STPG2: variants seen among roughly 807,000 people sequenced by gnomAD.
STPG2 encodes sperm tail PG-rich repeat containing 2.
STPG2 carries 56 observed loss-of-function variants against 54.2 expected under a neutral mutation model. The ratio of observed to expected loss-of-function variants is 1.03; its 90% CI spans 0.83 to 1.29. STPG2 has a LOEUF of 1.29. Ranked by LOEUF, STPG2 falls within the 50% of genes most tolerant of loss-of-function variation. The pLI is 0.00. For missense variants in STPG2, 596 were observed against 544.9 expected (o/e 1.09, Z -0.93); for synonymous variants, 200 against 181.8 (o/e 1.10, Z -0.81).
chr4:98,117,865 T>A (rs1218548727), intron 3 of STPG2, among the ~76,000 whole-genome samples: 1 of 152,128 alleles, frequency 6.6e-6, no homozygotes, highest in African/African-American at 2.4e-5. Context: ...TAGTTTGCTT[T>A]ATTTCTTTGA....
At chr4:98,023,994 T>C (rs1255904846) in intron 5 of STPG2, among the ~76,000 whole-genome samples, 1 of 152,160 alleles carries the variant, frequency 6.6e-6, no homozygotes, top group East Asian at 1.9e-4. Context: ...AGTGAGGCAA[T>C]GCCTCACCCT....
chr4:97,765,887 A>G (rs1726032661), intron 9 of STPG2, among the ~76,000 whole-genome samples: 1 of 152,168 alleles, frequency 6.6e-6, no homozygotes, highest in African/African-American at 2.4e-5. Flanking sequence ...ATATAAGAGT[A>G]AGAGAACTGT....
At chr4:97,841,351 A>G (rs919841256) in intron 8 of STPG2, among the ~76,000 whole-genome samples, 5 of 151,722 alleles carry the variant, frequency 3.3e-5, no homozygotes, top group Non-Finnish European at 5.9e-5. Flanking sequence ...TGCTTATTTC[A>G]TCTTTAATAG....
intron 9 of STPG2, among the ~76,000 whole-genome samples, chr4:97,800,258 C>A (rs575111835): frequency 3.3e-5 from 5 of 152,294 alleles, no homozygotes; most frequent in African/African-American, 1.2e-4. Context: ...GAGAGGTGCT[C>A]TGATTTTTAG....
At chr4:97,956,889 C>G (rs1490178100) in intron 7 of STPG2, among the ~76,000 whole-genome samples, 1 of 152,064 alleles carries the variant, frequency 6.6e-6, no homozygotes, top group Non-Finnish European at 1.5e-5. Context: ...AACCAAAATC[C>G]CAACTCTGGT....
At chr4:97,624,813 A>C (rs1734098483) in intron 10 of STPG2, among the ~76,000 whole-genome samples, 1 of 152,096 alleles carries the variant, frequency 6.6e-6, no homozygotes, top group African/African-American at 2.4e-5. Context: ...TGTAAGGAAA[A>C]GGTCCAGTTT....
intron 4 of STPG2, among the ~76,000 whole-genome samples, chr4:97,465,977 G>A (rs75937128): frequency 2.0e-3 from 311 of 152,002 alleles, no homozygotes; most frequent in African/African-American, 7.4e-3. Context: ...CGTTGTTGTT[G>A]TTAACTCATT....
intron 7 of STPG2, among the ~76,000 whole-genome samples, chr4:97,952,146 C>T (rs1224235652): frequency 1.3e-5 from 2 of 152,124 alleles, no homozygotes; most frequent in Non-Finnish European, 2.9e-5. Context: ...CTCTCAACCA[C>T]ACCTGAACCT....
At chr4:97,506,665 T>C (rs1730851687) in intron 4 of STPG2, among the ~76,000 whole-genome samples, 1 of 152,044 alleles carries the variant, frequency 6.6e-6, no homozygotes, top group African/African-American at 2.4e-5. Flanking sequence ...AACCATAGTA[T>C]TCTAAACTCT....
intron 10 of STPG2, among the ~76,000 whole-genome samples, chr4:97,583,271 G>C (rs559841790): frequency 6.6e-6 from 1 of 151,988 alleles, no homozygotes; most frequent in African/African-American, 2.4e-5. Context: ...CAATGGAAGA[G>C]GTGTTTTTAG....
At chr4:97,748,262 G>A (rs1040340380) in intron 9 of STPG2, among the ~76,000 whole-genome samples, 1 of 151,466 alleles carries the variant, frequency 6.6e-6, no homozygotes, top group Non-Finnish European at 1.5e-5. Flanking sequence ...AAATACAAAT[G>A]TTAAGATGTG....
At chr4:97,932,572 T>A (rs1732591881) in intron 8 of STPG2, among the ~76,000 whole-genome samples, 1 of 152,140 alleles carries the variant, frequency 6.6e-6, no homozygotes, top group African/African-American at 2.4e-5. Flanking sequence ...TGTGTCCATG[T>A]GTTCTCATTT....
chr4:97,712,132 G>C (rs12512518), intron 10 of STPG2, among the ~76,000 whole-genome samples: 89,658 of 151,994 alleles, frequency 0.59, 26,754 homozygotes, highest in South Asian at 0.68. Context: ...AGTTAGTAGG[G>C]TAGGAATGGG....
chr4:97,633,109 A>G (rs77760765), intron 10 of STPG2, among the ~76,000 whole-genome samples: 2,633 of 152,262 alleles, frequency 0.017, 68 homozygotes, highest in African/African-American at 0.059. Flanking sequence ...ATATATGTAT[A>G]CACACATCAG....
intron 5 of STPG2, among the ~76,000 whole-genome samples, chr4:98,101,640 C>T (rs1404284349): frequency 6.6e-6 from 1 of 151,820 alleles, no homozygotes; most frequent in Non-Finnish European, 1.5e-5. Flanking sequence ...CCTGCGAGAG[C>T]TTTGTAAACA....
intron 9 of STPG2, among the ~76,000 whole-genome samples, chr4:97,779,608 C>T (rs1276288309): frequency 6.6e-6 from 1 of 152,084 alleles, no homozygotes; most frequent in African/African-American, 2.4e-5. Context: ...TCAACAAGAG[C>T]AACTCCAAGA....
At chr4:98,078,124 C>G (rs959848510) in intron 5 of STPG2, among the ~76,000 whole-genome samples, 1 of 152,058 alleles carries the variant, frequency 6.6e-6, no homozygotes, top group Non-Finnish European at 1.5e-5. Flanking sequence ...CAAAAGAGAA[C>G]GCTCATGAAG....
At chr4:97,714,332 G>C (rs1578501604) in intron 9 of STPG2, among the ~76,000 whole-genome samples, 1 of 151,996 alleles carries the variant, frequency 6.6e-6, no homozygotes, top group South Asian at 2.1e-4. Flanking sequence ...AGGACATCTA[G>C]GCTCTAGCCC....
chr4:97,491,467 A>G (rs1420049762), intron 4 of STPG2, among the ~76,000 whole-genome samples: 1 of 151,530 alleles, frequency 6.6e-6, no homozygotes, highest in African/African-American at 2.4e-5. Context: ...TGCAGAAGAC[A>G]TAGTAGAGAG....
Sources: allele counts gnomAD v4.1 joint callset (sites outside exome capture counted in the v4.1 genomes callset), GRCh38; gene constraint gnomAD v4.1.1; transcripts MANE v1.5; gene names NCBI Gene and HGNC (gene_info 2026-07-23, HGNC 2026-07-21).